The following RBKS variants were observed in gnomAD, a reference collection of about 807,000 sequenced individuals.
The protein encoded by RBKS is ribokinase.
A neutral mutation model predicts 33.9 loss-of-function variants in RBKS; 33 were observed. The observed-to-expected ratio is 0.97, with a 90% CI of 0.74 to 1.30. RBKS has a LOEUF of 1.30. Ranked by LOEUF, RBKS falls within the 50% of genes most tolerant of loss-of-function variation. The pLI is 0.00. For synonymous variants in RBKS, 125 were observed against 143.0 expected, an observed-to-expected ratio of 0.87 and a Z score of 0.90; for missense variants, 361 against 392.6, an observed-to-expected ratio of 0.92 and a Z score of 0.68.
chr2:27,862,569 C>G lies in RBKS; in HGVS notation c.90-3998G>C, dbSNP rs145524326. Among the ~76,000 whole-genome samples the G allele has an allele frequency of 2.8e-3, 434 of 152,282 alleles. 2 individuals carry two copies. The highest frequency in any genetic ancestry group is 0.01 in the African/African-American group (420 of 41,562). Reference sequence around the variant, plus strand: ...ACTGAATGCTGCTCTCATTCCACCCCTGGGCTTCTGTCTCTTCAGACTGTC... The same window carrying G: ...ACTGAATGCTGCTCTCATTCCACCCGTGGGCTTCTGTCTCTTCAGACTGTC... On this transcript the variant is annotated intron_variant, in intron 1 of 7. Coordinates refer to ENST00000302188, the MANE Select transcript of RBKS (RefSeq NM_022128.3).
chr2:27,871,175 T>C (rs1032816238), intron 1 of RBKS, among the ~76,000 whole-genome samples: 2 of 152,228 alleles, frequency 1.3e-5, no homozygotes, highest in African/African-American at 4.8e-5. Context: ...TAGCAATGCA[T>C]TTAGCCACTA....
At position 27,827,567 on chromosome 2, in the gene RBKS, C is replaced by T. The variant is rs756188793; in HGVS notation, c.795G>A (p.Thr265=). ...ATGATTCTTAAATTTTAAAACTTAC[C>T]GTGGTATCCACAGCCTTGACTTTCT... The part of the protein sequence containing the change: ...PTEKVKAVDT[T]GAGDSFVGAL... Residue 265 remains threonine (T), a splice_region_variant and synonymous_variant, in exon 7 of 8, where the codon ACG becomes ACA. Transcript: ENST00000302188. 6 of 1,549,122 alleles carry T rather than the reference C, an allele frequency of 3.9e-6. No individual in the cohort carries two copies. Among genetic ancestry groups the T allele is most frequent in the East Asian group, 2.4e-5 (1 of 42,134 alleles).
At chr2:27,883,840 C>T (rs1348082477) in intron 1 of RBKS, among the ~76,000 whole-genome samples, 1 of 152,040 alleles carries the variant, frequency 6.6e-6, no homozygotes, top group East Asian at 1.9e-4. Flanking sequence ...GGATTACAGG[C>T]ATGAGCCACT....
chr2:27,807,678 G>A (rs1326362063), intron 7 of RBKS, among the ~76,000 whole-genome samples: 2 of 152,144 alleles, frequency 1.3e-5, no homozygotes, highest in Non-Finnish European at 2.9e-5. Flanking sequence ...GGCCACCAGA[G>A]GTCCTTTCTA....
At chr2:27,836,643 A>G (rs1439040872) in intron 5 of RBKS, among the ~76,000 whole-genome samples, 1 of 152,230 alleles carries the variant, frequency 6.6e-6, no homozygotes, top group South Asian at 2.1e-4. Context: ...AAAAATTGAC[A>G]AGTGGGACTT....
chr2:27,825,822 G>A (rs1391404854), intron 7 of RBKS, among the ~76,000 whole-genome samples: 2 of 152,178 alleles, frequency 1.3e-5, no homozygotes, highest in African/African-American at 4.8e-5. Flanking sequence ...TGTGCTTCTG[G>A]TGCTTACAAC....
intron 7 of RBKS, among the ~76,000 whole-genome samples, chr2:27,791,488 T>C (rs1677519162): frequency 6.6e-6 from 1 of 152,028 alleles, no homozygotes; most frequent in Non-Finnish European, 1.5e-5. Context: ...CTCAGCACAC[T>C]AACTGGGATC....
chr2:27,871,172 G>C (rs1256997740), intron 1 of RBKS, among the ~76,000 whole-genome samples: 1 of 152,144 alleles, frequency 6.6e-6, no homozygotes, highest in East Asian at 1.9e-4. Context: ...CTTTAGCAAT[G>C]CATTTAGCCA....
intron 7 of RBKS, among the ~76,000 whole-genome samples, chr2:27,790,544 G>A (rs909701699): frequency 8.5e-5 from 13 of 152,100 alleles, no homozygotes; most frequent in Non-Finnish European, 1.6e-4. Context: ...ATCTAGTAAA[G>A]TACTGTTATA....
At chr2:27,801,968 A>C (rs1677800172) in intron 7 of RBKS, among the ~76,000 whole-genome samples, 1 of 63,474 alleles carries the variant, frequency 1.6e-5, no homozygotes, top group South Asian at 6.0e-4. Flanking sequence ...AAAAAAATAT[A>C]TATATATATA....
intron 1 of RBKS, among the ~76,000 whole-genome samples, chr2:27,886,290 G>C (rs1031321905): frequency 1.3e-5 from 2 of 152,192 alleles, no homozygotes; most frequent in Non-Finnish European, 2.9e-5. Context: ...TATAAAGTAA[G>C]TTGGGCTTGG....
At chr2:27,804,948 G>A (rs542375056) in intron 7 of RBKS, among the ~76,000 whole-genome samples, 2 of 152,024 alleles carry the variant, frequency 1.3e-5, no homozygotes, top group African/African-American at 4.8e-5. Context: ...GATTGTTGAA[G>A]CCCAGGAAGT....
At chr2:27,858,705 G>A (rs576184438) in intron 1 of RBKS, 134 bp from the exon 2 acceptor site, 16 of 717,128 alleles carry the variant, frequency 2.2e-5, no homozygotes, top group East Asian at 5.4e-5. Context: ...CAGAAGCAAC[G>A]AAGATTATCT....
intron 7 of RBKS, among the ~76,000 whole-genome samples, chr2:27,820,397 T>G (rs1678177830): frequency 6.6e-6 from 1 of 152,178 alleles, no homozygotes; most frequent in South Asian, 2.1e-4. Context: ...ACTACATTAT[T>G]ATTCATATTT....
At chr2:27,826,766 G>A (rs1378582274) in intron 7 of RBKS, among the ~76,000 whole-genome samples, 1 of 152,150 alleles carries the variant, frequency 6.6e-6, no homozygotes, top group Non-Finnish European at 1.5e-5. Context: ...GGGGAACCAT[G>A]AGTCTTTTTT....
intron 7 of RBKS, among the ~76,000 whole-genome samples, chr2:27,793,492 A>G (rs1226274843): frequency 1.3e-5 from 2 of 152,216 alleles, no homozygotes; most frequent in African/African-American, 2.4e-5. Flanking sequence ...AGAAGGACAC[A>G]AGGTCACGGA....
At chr2:27,798,023 T>C (rs1573035899) in intron 7 of RBKS, among the ~76,000 whole-genome samples, 1 of 151,400 alleles carries the variant, frequency 6.6e-6, no homozygotes, top group Non-Finnish European at 1.5e-5. Context: ...GGAGTGGAGG[T>C]GAAGAGTCAC....
intron 2 of RBKS, among the ~76,000 whole-genome samples, chr2:27,852,381 G>A (rs1409960433): frequency 6.6e-6 from 1 of 152,172 alleles, no homozygotes; most frequent in African/African-American, 2.4e-5. Context: ...GTCATGGAAA[G>A]CAAAAGGGCT....
intron 5 of RBKS, among the ~76,000 whole-genome samples, chr2:27,836,018 A>G (rs897932275): frequency 8.5e-5 from 13 of 152,056 alleles, no homozygotes; most frequent in African/African-American, 2.9e-4. Context: ...GATCGAGGCC[A>G]TCCTGGCCAA....
Sources: gnomAD v4.1 joint callset for allele counts (sites outside exome capture counted in the v4.1 genomes callset) on GRCh38, gnomAD v4.1.1 for gene constraint, MANE v1.5 for transcripts, NCBI Gene and HGNC (gene_info 2026-07-23, HGNC 2026-07-21) for gene names.